The following SGCZ variants were observed in gnomAD, a reference collection of about 807,000 sequenced individuals.
SGCZ encodes sarcoglycan zeta, also known as zeta-sarcoglycan.
Under a neutral mutation model 41.3 loss-of-function variants are expected in SGCZ, and 40 were observed. That is an observed-to-expected ratio of 0.97 (90% CI 0.75 to 1.26). The LOEUF (loss-of-function observed/expected upper bound fraction) is 1.26, where lower values mean the gene tolerates loss of function less well. Ranked by LOEUF, SGCZ falls within the 50% of genes most tolerant of loss-of-function variation. The pLI is 0.00. For missense variants in SGCZ, 552 were observed against 369.8 expected (o/e 1.49, Z -4.04); for synonymous variants, 206 against 137.5 (o/e 1.50, Z -3.49).
intron 1 of SGCZ, among the ~76,000 whole-genome samples, chr8:15,008,891 T>A (rs566691371): frequency 6.6e-6 from 1 of 152,192 alleles, no homozygotes; most frequent in South Asian, 2.1e-4. Flanking sequence ...TCACATTTTT[T>A]TATTTTTAAG....
intron 2 of SGCZ, among the ~76,000 whole-genome samples, chr8:14,453,042 G>T (rs1563339217): frequency 6.6e-6 from 1 of 152,044 alleles, no homozygotes; most frequent in Non-Finnish European, 1.5e-5. Context: ...GGCAGAGGCT[G>T]CAGGGAGCCG....
At chr8:14,460,805 T>C (rs1800881416) in intron 2 of SGCZ, among the ~76,000 whole-genome samples, 1 of 152,190 alleles carries the variant, frequency 6.6e-6, no homozygotes, top group Admixed American at 6.5e-5. Context: ...GAGTCTAAAA[T>C]TTGTATTCAA....
intron 1 of SGCZ, among the ~76,000 whole-genome samples, chr8:14,919,246 C>G (rs1315680235): frequency 6.6e-6 from 1 of 151,956 alleles, no homozygotes; most frequent in Non-Finnish European, 1.5e-5. Flanking sequence ...TGAGATCAGC[C>G]TGGGTAACAT....
In SGCZ at chr8:14,393,700, G is replaced by A. The variant is rs931623828; in HGVS notation, c.235-69496C>T. On this transcript the variant is annotated intron_variant, in intron 2 of 7. Transcript: ENST00000382080. ...AAACCTCTGTTGCTCAATTCCTCCT[G>A]TGCCCATGTTCTAAATTTTCCTGAC... Among the ~76,000 whole-genome samples, 8 of 152,112 alleles carry A rather than the reference G, an allele frequency of 5.3e-5. No homozygotes were observed. The East Asian group carries it at 1.2e-3, about 22-fold the overall frequency.
intron 4 of SGCZ, among the ~76,000 whole-genome samples, chr8:14,199,390 G>A (rs1805382098): frequency 6.6e-6 from 1 of 152,126 alleles, no homozygotes; most frequent in African/African-American, 2.4e-5. Context: ...TGTTATCAAT[G>A]ACAATGCATG....
At position 14,849,983 on chromosome 8, in the gene SGCZ, C is replaced by T. The variant is rs560044944; in HGVS notation, c.40-295057G>A. On this transcript the variant is annotated intron_variant, in intron 1 of 7. Coordinates refer to ENST00000382080, the MANE Select transcript of SGCZ (RefSeq NM_139167.4). Reference sequence around the variant, plus strand: ...AAATTTTGGTTTCTTTTTACATAGGCATTGAGAACAGAACATTCTACTGAA... The same window carrying T: ...AAATTTTGGTTTCTTTTTACATAGGTATTGAGAACAGAACATTCTACTGAA... Among the ~76,000 whole-genome samples, 13 of 152,212 alleles carry T rather than the reference C, an allele frequency of 8.5e-5. No homozygotes were observed. In the South Asian group the frequency reaches 2.7e-3, roughly 32 times the overall value.
chr8:14,394,046 T>C (rs1184076009), intron 2 of SGCZ, among the ~76,000 whole-genome samples: 1 of 152,166 alleles, frequency 6.6e-6, no homozygotes, highest in Non-Finnish European at 1.5e-5. Context: ...ATGAGTTTTA[T>C]TTAAAACATT....
At chr8:14,654,907 T>C (rs1807513218) in intron 1 of SGCZ, among the ~76,000 whole-genome samples, 1 of 151,984 alleles carries the variant, frequency 6.6e-6, no homozygotes, top group African/African-American at 2.4e-5. Context: ...CCTTGTGATC[T>C]ATTTTTCTCA....
chr8:14,592,512 AT>A (rs550241199), intron 1 of SGCZ, among the ~76,000 whole-genome samples: 3 of 151,650 alleles, frequency 2.0e-5, no homozygotes, highest in Admixed American at 2.0e-4. Flanking sequence ...TTTATGCTCA[AT>A]TTTTTTTCAT....
intron 3 of SGCZ, among the ~76,000 whole-genome samples, chr8:14,305,705 C>T (rs1157142550): frequency 6.6e-6 from 1 of 152,136 alleles, no homozygotes; most frequent in Non-Finnish European, 1.5e-5. Context: ...TTTCCCATCG[C>T]TGTATTTCCC....
At chr8:14,165,518 T>C (rs1804180910) in intron 4 of SGCZ, among the ~76,000 whole-genome samples, 4 of 152,132 alleles carry the variant, frequency 2.6e-5, no homozygotes, top group Admixed American at 2.6e-4. Context: ...TTTGAGATAA[T>C]GGCCAGCAGT....
intron 1 of SGCZ, among the ~76,000 whole-genome samples, chr8:15,192,831 A>G (rs1316570228): frequency 1.3e-5 from 2 of 152,114 alleles, no homozygotes; most frequent in African/African-American, 2.4e-5. Flanking sequence ...TTCTCACTCC[A>G]AGAAAACAAA....
chr8:15,032,947 A>T (rs144168203), intron 1 of SGCZ, among the ~76,000 whole-genome samples: 37 of 151,180 alleles, frequency 2.4e-4, no homozygotes, highest in African/African-American at 8.8e-4. Context: ...CATTCAGTCC[A>T]CATAACCCCA....
intron 1 of SGCZ, among the ~76,000 whole-genome samples, chr8:14,815,602 C>T (rs941844370): frequency 2.0e-5 from 3 of 152,084 alleles, no homozygotes; most frequent in African/African-American, 7.2e-5. Flanking sequence ...ATCACTAGTA[C>T]CACACAGAGT....
At chr8:14,579,732 G>A (rs1050475481) in intron 1 of SGCZ, among the ~76,000 whole-genome samples, 1 of 152,176 alleles carries the variant, frequency 6.6e-6, no homozygotes, top group African/African-American at 2.4e-5. Context: ...TTGAGGCTTA[G>A]GGAGTGGCTA....
At chr8:14,400,678 C>G (rs1269406276) in intron 2 of SGCZ, among the ~76,000 whole-genome samples, 1 of 152,106 alleles carries the variant, frequency 6.6e-6, no homozygotes, top group Admixed American at 6.6e-5. Flanking sequence ...TATGATCGTA[C>G]TATCTTGTGC....
intron 2 of SGCZ, among the ~76,000 whole-genome samples, chr8:14,358,673 G>A (rs998096427): frequency 5.3e-5 from 8 of 152,126 alleles, no homozygotes; most frequent in African/African-American, 1.9e-4. Context: ...GTGCAGTGGT[G>A]TGATCTTGGT....
At chr8:14,617,581 A>G (rs116430020) in intron 1 of SGCZ, among the ~76,000 whole-genome samples, 2 of 152,182 alleles carry the variant, frequency 1.3e-5, no homozygotes, top group Non-Finnish European at 2.9e-5. Flanking sequence ...AGCTTTGCAC[A>G]GTCCTAACCA....
At chr8:14,677,224 T>G (rs1263488866) in intron 1 of SGCZ, among the ~76,000 whole-genome samples, 1 of 151,732 alleles carries the variant, frequency 6.6e-6, no homozygotes, top group East Asian at 1.9e-4. Flanking sequence ...CATCCAAAAA[T>G]AAAATACTTA....
Sources: gnomAD v4.1 joint callset for allele counts (sites outside exome capture counted in the v4.1 genomes callset) on GRCh38, gnomAD v4.1.1 for gene constraint, MANE v1.5 for transcripts, NCBI Gene and HGNC (gene_info 2026-07-23, HGNC 2026-07-21) for gene names.